The following SLC6A11 variants were observed in gnomAD, a reference collection of about 807,000 sequenced individuals.
SLC6A11 encodes the protein sodium- and chloride-dependent GABA transporter 3.
In SLC6A11, 25 loss-of-function variants were observed where a neutral mutation model predicts 74.8. That is an observed-to-expected ratio of 0.33 (90% CI 0.24 to 0.47). SLC6A11 has a LOEUF of 0.47. Among genes scored for constraint, SLC6A11 ranks in the 20% least tolerant of loss-of-function variants. The probability of loss-of-function intolerance (pLI) is 1.00; values close to 1 mark genes in which losing one functional copy is unlikely to be tolerated. For synonymous variants in SLC6A11, 330 were observed against 330.2 expected, an observed-to-expected ratio of 1.00 and a Z score of 0.01; for missense variants, 574 against 837.0, an observed-to-expected ratio of 0.69 and a Z score of 3.88.
At chr3:10,844,965 G>A (rs1021085479) in intron 5 of SLC6A11, among the ~76,000 whole-genome samples, 39 of 152,258 alleles carry the variant, frequency 2.6e-4, no homozygotes, top group East Asian at 9.6e-4. Flanking sequence ...CCTGAGACAC[G>A]GTGTCACCTA....
chr3:10,882,483 G>A (rs1694993760), intron 6 of SLC6A11, among the ~76,000 whole-genome samples: 1 of 152,146 alleles, frequency 6.6e-6, no homozygotes, highest in Admixed American at 6.5e-5. Context: ...CCACCCACTA[G>A]GATGTACGCC....
intron 4 of SLC6A11, among the ~76,000 whole-genome samples, chr3:10,834,352 G>T (rs750174): frequency 0.21 from 30,900 of 145,482 alleles, 3,379 homozygotes; most frequent in South Asian, 0.35. Flanking sequence ...TTTTTTTTTT[G>T]TTTTTTTTTT....
intron 4 of SLC6A11, among the ~76,000 whole-genome samples, chr3:10,827,115 G>C (rs565777226): frequency 1.8e-4 from 27 of 152,312 alleles, no homozygotes; most frequent in Non-Finnish European, 3.7e-4. Flanking sequence ...GCTGAGATTA[G>C]AATATAGAGA....
chr3:10,819,011 A>G (rs1279095849), intron 1 of SLC6A11, among the ~76,000 whole-genome samples: 1 of 152,170 alleles, frequency 6.6e-6, no homozygotes, highest in Admixed American at 6.5e-5. Flanking sequence ...TATGACAAAG[A>G]TTGTTTGCAA....
chr3:10,863,491 C>T (rs1694728715), intron 5 of SLC6A11, among the ~76,000 whole-genome samples: 1 of 152,220 alleles, frequency 6.6e-6, no homozygotes, highest in South Asian at 2.1e-4. Flanking sequence ...CAAAAGTCAG[C>T]CACATGCACA....
chr3:10,835,012 C>A (rs1694347925), intron 4 of SLC6A11, among the ~76,000 whole-genome samples: 1 of 152,196 alleles, frequency 6.6e-6, no homozygotes, highest in South Asian at 2.1e-4. Context: ...TGGGACCAGA[C>A]CCCGACTCCC....
chr3:10,844,123 A>G (rs774166575), intron 4 of SLC6A11, 91 bp from the exon 5 acceptor site: 162 of 1,498,500 alleles, frequency 1.1e-4, no homozygotes, highest in Non-Finnish European at 1.5e-4. Flanking sequence ...GTGAATGAGC[A>G]CATGGGCCCA....
chr3:10,831,001 G>A (rs1043649428), intron 4 of SLC6A11, among the ~76,000 whole-genome samples: 2 of 152,156 alleles, frequency 1.3e-5, no homozygotes, highest in African/African-American at 4.8e-5. Context: ...AGACAGGGTG[G>A]AAGCACTCTT....
chr3:10,868,059 T>G lies in SLC6A11; in HGVS notation c.757-6902T>G, dbSNP rs574377138. On this transcript the variant is annotated intron_variant, in intron 5 of 13. Transcript: ENST00000254488. ...TATTAAGTAAATAATACAAAGGTGC[T>G]ATGTGTATATGGCCAAAAAATACTG... is the stretch of plus-strand genomic sequence containing the variant. 5.3e-5 allele frequency among the ~76,000 whole-genome samples: 8 copies of G among 152,342 alleles called. No homozygotes were observed. In the South Asian group the frequency reaches 1.7e-3, roughly 32 times the overall value.
chr3:10,839,259 C>T (rs1694407145), intron 4 of SLC6A11, among the ~76,000 whole-genome samples: 1 of 152,124 alleles, frequency 6.6e-6, no homozygotes, highest in African/African-American at 2.4e-5. Context: ...TAGTTGCCAC[C>T]ACCTCTCCAT....
At chr3:10,934,374 T>C (rs1311670752) in intron 12 of SLC6A11, among the ~76,000 whole-genome samples, 1 of 152,218 alleles carries the variant, frequency 6.6e-6, no homozygotes, top group Non-Finnish European at 1.5e-5. Context: ...CCAGTGTTGC[T>C]GTGTGACTAG....
intron 6 of SLC6A11, among the ~76,000 whole-genome samples, chr3:10,903,878 C>T (rs1695271044): frequency 6.6e-6 from 1 of 152,216 alleles, no homozygotes; most frequent in South Asian, 2.1e-4. Context: ...CCAGTCTCCC[C>T]AATTGGATAA....
rs112051224 is a variant in SLC6A11, at chr3:10,916,761, G to C, written c.996-1568G>C. Among the ~76,000 whole-genome samples, 804 of 152,304 alleles carry C rather than the reference G, an allele frequency of 5.3e-3. 8 individuals carry two copies. Among genetic ancestry groups the C allele is most frequent in the African/African-American group, 0.019 (776 of 41,572 alleles). On this transcript the variant is annotated intron_variant, in intron 7 of 13. Coordinates refer to ENST00000254488, the MANE Select transcript of SLC6A11 (RefSeq NM_014229.3). ...TGAGAGTGATTCCTTGCTGAAAAAT[G>C]ATTTGATCTAGCGCAAGGTCAAGAA...
intron 6 of SLC6A11, among the ~76,000 whole-genome samples, chr3:10,877,984 T>G (rs1259015037): frequency 1.3e-5 from 2 of 152,186 alleles, no homozygotes. Context: ...GCCACCAGCC[T>G]AGTCCAGGCC....
rs564121944 is a variant in SLC6A11, at chr3:10,904,319, G to A, written c.892-7771G>A. Reference sequence around the variant, plus strand: ...GTTCTCTGTACCTACTGTGCACCAGGGCTCACTGGAACCAGTGGCCTTGAA... The same window carrying A: ...GTTCTCTGTACCTACTGTGCACCAGAGCTCACTGGAACCAGTGGCCTTGAA... On this transcript the variant is annotated intron_variant, in intron 6 of 13. Coordinates refer to ENST00000254488, the MANE Select transcript of SLC6A11 (RefSeq NM_014229.3). Among the ~76,000 whole-genome samples the A allele has an allele frequency of 4.9e-4, 75 of 152,328 alleles. 2 individuals are homozygous for A. Among genetic ancestry groups the A allele is most frequent in the Admixed American group, 4.8e-3 (73 of 15,302 alleles).
chr3:10,882,538 C>A (rs1694994375), intron 6 of SLC6A11, among the ~76,000 whole-genome samples: 1 of 152,144 alleles, frequency 6.6e-6, no homozygotes, highest in South Asian at 2.1e-4. Flanking sequence ...TGTTCAATCT[C>A]CAGACCTGGA....
chr3:10,835,609 A>G (rs1235614180), intron 4 of SLC6A11, among the ~76,000 whole-genome samples: 1 of 152,130 alleles, frequency 6.6e-6, no homozygotes, highest in Non-Finnish European at 1.5e-5. Flanking sequence ...CCCTCCAGCC[A>G]CAGAGGGGCA....
chr3:10,851,890 G>C (rs1333441214), intron 5 of SLC6A11, among the ~76,000 whole-genome samples: 3 of 152,182 alleles, frequency 2.0e-5, no homozygotes, highest in Non-Finnish European at 4.4e-5. Context: ...TTCTCAGAGG[G>C]GCTGCAGGAG....
chr3:10,869,359 C>G (rs11714018), intron 5 of SLC6A11, among the ~76,000 whole-genome samples: 3,632 of 152,270 alleles, frequency 0.024, 82 homozygotes, highest in East Asian at 0.12. Context: ...TGTAGCGAGA[C>G]AGACATTTTA....
Sources: allele counts gnomAD v4.1 joint callset (sites outside exome capture counted in the v4.1 genomes callset), GRCh38; gene constraint gnomAD v4.1.1; transcripts MANE v1.5; gene names NCBI Gene and HGNC (gene_info 2026-07-23, HGNC 2026-07-21).